The following TDP1 variants were observed in gnomAD, a reference collection of about 807,000 sequenced individuals.
The protein encoded by TDP1 is tyr-DNA phosphodiesterase 1.
Under a neutral mutation model 81.5 loss-of-function variants are expected in TDP1, and 64 were observed. That is an observed-to-expected ratio of 0.79 (90% CI 0.64 to 0.97). TDP1 has a LOEUF of 0.97. Ranked by LOEUF, TDP1 falls within the 50% of genes least tolerant of loss-of-function variation. TDP1 has a pLI of 0.00. For missense variants in TDP1, 723 were observed against 743.8 expected (o/e 0.97, Z 0.33); for synonymous variants, 256 against 264.3 (o/e 0.97, Z 0.30).
rs34085793 is a variant in TDP1, at chr14:89,986,669, C to G, written c.1131+1459C>G. On this transcript the variant is annotated intron_variant, in intron 10 of 16. Transcript: ENST00000335725. ...CTGAAGTGTAAATCTAAGCCAGAGGCTTGTCCAGGATAGGGTGGCCCTTCA... is the reference window on the plus strand; with the variant it reads ...CTGAAGTGTAAATCTAAGCCAGAGGGTTGTCCAGGATAGGGTGGCCCTTCA... Among the ~76,000 whole-genome samples, 235 of 152,334 alleles carry G rather than the reference C, an allele frequency of 1.5e-3. 2 individuals are homozygous for G. Among genetic ancestry groups the G allele is most frequent in the African/African-American group, 5.3e-3 (221 of 41,566 alleles).
chr14:89,990,603 C>G (rs1383975489), intron 12 of TDP1, among the ~76,000 whole-genome samples: 1 of 136,554 alleles, frequency 7.3e-6, no homozygotes, highest in Non-Finnish European at 1.5e-5. Flanking sequence ...CACCGAGACC[C>G]AGGGATACAG....
At chr14:90,022,859 G>A in intron 15 of TDP1, 3 of 610,010 alleles carry the variant, frequency 4.9e-6, no homozygotes, top group Non-Finnish European at 4.1e-6. Context: ...GTTTATACGT[G>A]CACAGGAGTG....
chr14:90,044,676 A>C lies in TDP1; in HGVS notation c.*1533A>C, dbSNP rs1376470931. 6.6e-6 allele frequency: 1 copy of C among 152,072 alleles called. No individual in the cohort carries two copies. Among genetic ancestry groups the C allele is most frequent in the Non-Finnish European group, 1.5e-5 (1 of 68,026 alleles). The allele number at this position is 152,072 out of a possible 1,614,324, so 9.4% of individuals were successfully genotyped here. On this transcript the variant is annotated 3_prime_UTR_variant, in exon 17 of 17. Coordinates refer to ENST00000335725, the MANE Select transcript of TDP1 (RefSeq NM_018319.4). Reference sequence around the variant, plus strand: ...AGGCTCTGCTGTATCTGTTGTACATACTGGGATTCTGTAAAGGACATTATC... The same window carrying C: ...AGGCTCTGCTGTATCTGTTGTACATCCTGGGATTCTGTAAAGGACATTATC...
At chr14:89,976,159 G>A (rs1191210329) in intron 7 of TDP1, among the ~76,000 whole-genome samples, 1 of 152,114 alleles carries the variant, frequency 6.6e-6, no homozygotes, top group Non-Finnish European at 1.5e-5. Flanking sequence ...AGACTGGAGT[G>A]CAGTGGCATG....
intron 14 of TDP1, among the ~76,000 whole-genome samples, chr14:90,004,225 A>C (rs886266426): frequency 1.3e-5 from 2 of 152,170 alleles, no homozygotes; most frequent in Non-Finnish European, 2.9e-5. Context: ...TCTTGTGAGC[A>C]TCATCACTGA....
chr14:89,969,392 A>C (rs34623185), intron 5 of TDP1, among the ~76,000 whole-genome samples: 35 of 152,252 alleles, frequency 2.3e-4, no homozygotes, highest in African/African-American at 8.2e-4. Context: ...ATTTGTATGT[A>C]GAAAAATTCA....
At chr14:90,004,046 T>C (rs77951315) in intron 14 of TDP1, among the ~76,000 whole-genome samples, 1 of 152,124 alleles carries the variant, frequency 6.6e-6, no homozygotes, top group African/African-American at 2.4e-5. Context: ...TTAGCTGGTA[T>C]GCTTCATGTG....
intron 5 of TDP1, among the ~76,000 whole-genome samples, chr14:89,969,587 T>C (rs1893358668): frequency 6.6e-6 from 1 of 152,134 alleles, no homozygotes; most frequent in African/African-American, 2.4e-5. Context: ...CACGTGTGTT[T>C]CTTACATTAT....
intron 15 of TDP1, chr14:90,032,793 A>C (rs1387364628): frequency 1.0e-6 from 1 of 984,954 alleles, no homozygotes; most frequent in African/African-American, 1.7e-5. Flanking sequence ...TGCAAACTGT[A>C]CATAATGTTG....
chr14:90,042,977 G>C, intron 16 of TDP1, 93 bp from the exon 17 acceptor site: 1 of 1,601,784 alleles, frequency 6.2e-7, no homozygotes, highest in Non-Finnish European at 8.5e-7. Flanking sequence ...ACAGTTTAGA[G>C]AGTCAAGCAC....
intron 3 of TDP1, chr14:89,965,667 A>T: frequency 2.1e-6 from 1 of 468,476 alleles, no homozygotes; most frequent in Non-Finnish European, 2.8e-6. Context: ...GATAATTGTG[A>T]GTGCCTCTGT....
In TDP1 at chr14:90,043,425, A is replaced by G; in HGVS notation, c.*282A>G. On this transcript the variant is annotated 3_prime_UTR_variant, in exon 17 of 17. Transcript: ENST00000335725. ...ACTGCTTGAGTATCCCCTGTCTGAA[A>G]TGCTTGGGACCAGAAGTGTTTCAGC... 1.9e-6 allele frequency: 1 copy of G among 523,452 alleles called. No homozygotes were observed. Among genetic ancestry groups the G allele is most frequent in the Non-Finnish European group, 3.4e-6 (1 of 291,212 alleles). 32.4% of individuals were successfully genotyped at this position (523,452 alleles called of 1,614,324 possible).
At chr14:89,961,526 G>A (rs952522147) in intron 2 of TDP1, among the ~76,000 whole-genome samples, 10 of 152,170 alleles carry the variant, frequency 6.6e-5, no homozygotes, top group African/African-American at 2.2e-4. Context: ...CTTAGGTCTT[G>A]TTTATGATTT....
intron 7 of TDP1, among the ~76,000 whole-genome samples, chr14:89,976,210 A>G (rs1360167290): frequency 1.3e-5 from 2 of 151,954 alleles, no homozygotes; most frequent in Non-Finnish European, 1.5e-5. Flanking sequence ...GGCTTAAGCA[A>G]TCCTCCCACC....
intron 14 of TDP1, among the ~76,000 whole-genome samples, chr14:90,016,236 G>T (rs1471991058): frequency 6.6e-6 from 1 of 151,968 alleles, no homozygotes; most frequent in Non-Finnish European, 1.5e-5. Context: ...TGGAGACAGG[G>T]TTTCTCCATG....
At chr14:90,009,411 A>G (rs34885121) in intron 14 of TDP1, among the ~76,000 whole-genome samples, 1 of 152,364 alleles carries the variant, frequency 6.6e-6, no homozygotes, top group East Asian at 1.9e-4. Flanking sequence ...AATTACAGTA[A>G]TGTTTCAATT....
At chr14:90,025,076 C>T (rs530390283) in intron 15 of TDP1, among the ~76,000 whole-genome samples, 15 of 152,280 alleles carry the variant, frequency 9.9e-5, no homozygotes, top group African/African-American at 2.6e-4. Context: ...ACCAGTAGGC[C>T]GTGTCACTTG....
chr14:89,972,535 A>G (rs1893782946), intron 6 of TDP1, among the ~76,000 whole-genome samples: 1 of 148,024 alleles, frequency 6.8e-6, no homozygotes, highest in African/African-American at 2.7e-5. Context: ...TTGTCCTAAT[A>G]CTTTGCAGTT....
At chr14:89,963,697 G>A (rs1281371372) in intron 3 of TDP1, 24 bp downstream of exon 3, 2 of 1,613,624 alleles carry the variant, frequency 1.2e-6, no homozygotes, top group African/African-American at 1.3e-5. Flanking sequence ...GGGTGTCAAG[G>A]AGCTGTTGAA....
Sources: gnomAD v4.1 joint callset for allele counts (sites outside exome capture counted in the v4.1 genomes callset) on GRCh38, gnomAD v4.1.1 for gene constraint, MANE v1.5 for transcripts, NCBI Gene and HGNC (gene_info 2026-07-23, HGNC 2026-07-21) for gene names.